The following ASMT variants were observed in gnomAD, a reference collection of about 807,000 sequenced individuals.
ASMT encodes acetylserotonin O-methyltransferase.
ASMT carries 53 observed loss-of-function variants against 41.3 expected under a neutral mutation model. The observed-to-expected ratio is 1.28, with a 90% CI of 1.03 to 1.61. ASMT has a LOEUF of 1.61. Among genes scored for constraint, ASMT ranks in the 40% most tolerant of loss-of-function variants. ASMT has a pLI of 0.00. For synonymous variants in ASMT, 231 were observed against 184.8 expected (o/e 1.25, Z -2.03); for missense variants, 531 against 441.3 (o/e 1.20, Z -1.82).
At chrX:1,630,900 C>T (rs1256502470) in intron 5 of ASMT, among the ~76,000 whole-genome samples, 1 of 72,740 alleles carries the variant, frequency 1.4e-5, no homozygotes, top group Non-Finnish European at 3.0e-5. Flanking sequence ...TATTTATTTA[C>T]TTGTATTTAT....
At chrX:1,621,385 T>G (rs1383771966) in intron 1 of ASMT, among the ~76,000 whole-genome samples, 1 of 151,824 alleles carries the variant, frequency 6.6e-6, no homozygotes, top group African/African-American at 2.4e-5. Context: ...TGGCGCGATC[T>G]TGGCTCACTG....
intron 7 of ASMT, chrX:1,636,101 A>T (rs1318550568): frequency 2.8e-6 from 1 of 357,952 alleles, no homozygotes; most frequent in Non-Finnish European, 5.5e-6. Context: ...GACCACAGGC[A>T]CCCGCCATCA....
At chrX:1,616,899 G>A (rs770172056) in intron 1 of ASMT, among the ~76,000 whole-genome samples, 28 of 151,898 alleles carry the variant, frequency 1.8e-4, no homozygotes, top group East Asian at 5.9e-4. Context: ...TAGTAGAGAC[G>A]GGGTTTCACC....
At chrX:1,630,832 A>C (rs1200735293) in intron 5 of ASMT, among the ~76,000 whole-genome samples, 1 of 151,966 alleles carries the variant, frequency 6.6e-6, no homozygotes, top group East Asian at 1.9e-4. Context: ...TGCTGGGATT[A>C]CAGGCGCCCG....
intron 5 of ASMT, among the ~76,000 whole-genome samples, chrX:1,631,756 A>T (rs1329706622): frequency 6.6e-6 from 1 of 152,036 alleles, no homozygotes; most frequent in African/African-American, 2.4e-5. Flanking sequence ...CTCTACTAAA[A>T]ATACAAAAAA....
chrX:1,636,960 A>C lies in ASMT; in HGVS notation c.910+400A>C, dbSNP rs113750243. ...CCCAGCTCTCCTGTGAGGTCCATCC[A>C]TCCTGATGGCACATGAGGATGTGGG... On this transcript the variant is annotated intron_variant, in intron 8 of 8. Transcript: ENST00000381241. Among the ~76,000 whole-genome samples the C allele has an allele frequency of 2.1e-3, 163 of 77,304 alleles. 1 individual carries two copies. In the East Asian group the frequency reaches 0.024, roughly 11 times the overall value. 50.7% of individuals were successfully genotyped at this position (77,304 alleles called of 152,430 possible).
chrX:1,615,300 A>T (rs1241040555), intron 1 of ASMT, 32 bp downstream of exon 1: 22 of 1,555,352 alleles, frequency 1.4e-5, no homozygotes, highest in Non-Finnish European at 1.8e-5. Context: ...AAGGGGGAAT[A>T]GACTTCCGTT....
Position 1,624,266 on chromosome X carries a change from C to T in ASMT, c.245-3C>T, listed in dbSNP as rs1397545364. 1.9e-6 allele frequency: 3 copies of T among 1,613,950 alleles called. No homozygotes were observed. Among genetic ancestry groups the T allele is most frequent in the Admixed American group, 1.7e-5 (1 of 60,004 alleles). ...TTTCCCTGTTTTTTTGTGTGTGTTT[C>T]AGCTTTCTATCGAAACACAGAGCTG... On this transcript the variant is annotated splice_polypyrimidine_tract_variant and splice_region_variant and intron_variant, in intron 2 of 8. Coordinates refer to ENST00000381241, the MANE Select transcript of ASMT (RefSeq NM_001171038.2).
intron 1 of ASMT, among the ~76,000 whole-genome samples, chrX:1,621,031 G>A (rs1485042066): frequency 6.6e-6 from 1 of 152,104 alleles, no homozygotes; most frequent in African/African-American, 2.4e-5. Flanking sequence ...GGGAGGCGTA[G>A]GTTGCCGTGA....
At position 1,615,245 on chromosome X, in the gene ASMT, G is replaced by T. The variant is rs773588918; in HGVS notation, c.46G>T (p.Ala16Ser). The T allele has an allele frequency of 8.8e-6, 14 of 1,597,176 alleles. No individual in the cohort carries two copies. The highest frequency in any genetic ancestry group is 1.2e-5 in the Non-Finnish European group (14 of 1,171,916). Reference protein sequence around the residue: ...DQAYRLLNDYANGFMVSQVLF... With the variant: ...DQAYRLLNDYSNGFMVSQVLF... ...GGCCTATCGCCTCCTTAATGACTAC[G>T]CCAACGGCTTCATGGTGTCCCAGGT... Residue 16 changes from alanine (A) to serine (S), a missense_variant, in exon 1 of 9, where the codon GCC becomes TCC. Physicochemically the swap from Ala to Ser is moderately conservative, Grantham distance 99 (BLOSUM62 1). Transcript: ENST00000381241.
chrX:1,621,698 A>G (rs191484411), intron 1 of ASMT, among the ~76,000 whole-genome samples: 1 of 149,560 alleles, frequency 6.7e-6, no homozygotes, highest in African/African-American at 2.5e-5. Flanking sequence ...ATATGTATTT[A>G]TTTATTTATC....
chrX:1,642,094 T>C (rs1935202781), intron 8 of ASMT, among the ~76,000 whole-genome samples: 1 of 129,282 alleles, frequency 7.7e-6, no homozygotes, highest in Admixed American at 8.0e-5. Context: ...ACAGCCTCTG[T>C]GTGTGTGTGT....
At chrX:1,635,309 C>A (rs1934921141) in intron 7 of ASMT, among the ~76,000 whole-genome samples, 3 of 152,024 alleles carry the variant, frequency 2.0e-5, no homozygotes, top group Non-Finnish European at 4.4e-5. Context: ...CTGCACAGAG[C>A]TCACCAAGAT....
At chrX:1,641,778 T>C (rs1168584887) in intron 8 of ASMT, among the ~76,000 whole-genome samples, 3 of 148,234 alleles carry the variant, frequency 2.0e-5, no homozygotes, top group African/African-American at 7.5e-5. Context: ...CTGTGTGTGA[T>C]AAGGACAGTG....
intron 7 of ASMT, 66 bp downstream of exon 7, chrX:1,633,356 C>G: frequency 6.2e-7 from 1 of 1,602,302 alleles, no homozygotes; most frequent in South Asian, 1.1e-5. Context: ...CTGGATGTTT[C>G]TGGGAAATGA....
intron 8 of ASMT, among the ~76,000 whole-genome samples, chrX:1,642,008 C>T (rs1408995081): frequency 1.4e-5 from 2 of 147,170 alleles, no homozygotes; most frequent in African/African-American, 5.0e-5. Context: ...GTGGGCACAG[C>T]CTCTGTGTGT....
At chrX:1,629,791 C>A (rs774412444) in intron 4 of ASMT, 30 bp from the exon 5 acceptor site, 2 of 1,605,010 alleles carry the variant, frequency 1.2e-6, no homozygotes, top group African/African-American at 2.7e-5. Flanking sequence ...AGATCCTCAC[C>A]ATCTTGACAA....
chrX:1,641,998 G>A lies in ASMT; in HGVS notation c.911-805G>A, dbSNP rs191305844. Among the ~76,000 whole-genome samples the A allele has an allele frequency of 2.6e-3, 384 of 146,524 alleles. 10 individuals are homozygous for A. Among genetic ancestry groups the A allele is most frequent in the African/African-American group, 8.8e-3 (355 of 40,126 alleles). On this transcript the variant is annotated intron_variant, in intron 8 of 8. Transcript: ENST00000381241. ...CACCCATCCGATGGTTCATGAGGAC[G>A]TGGGCACAGCCTCTGTGTGTAATGG...
At position 1,615,158 on chromosome X, in the gene ASMT, C is replaced by A. The variant is rs369159859; in HGVS notation, c.-42C>A. The A allele has an allele frequency of 6.5e-7, 1 of 1,548,692 alleles. No homozygotes were observed. The highest frequency in any genetic ancestry group is 8.8e-7 in the Non-Finnish European group (1 of 1,140,872). Reference sequence around the variant, plus strand: ...CAGGCTCTGTGCTCCTTGAAGCAAGCGCTCCAGAGGCTCCGGAAGCCACGG... The same window carrying A: ...CAGGCTCTGTGCTCCTTGAAGCAAGAGCTCCAGAGGCTCCGGAAGCCACGG... On this transcript the variant is annotated 5_prime_UTR_variant, in exon 1 of 9. Transcript: ENST00000381241.
Sources: allele counts gnomAD v4.1 joint callset (sites outside exome capture counted in the v4.1 genomes callset), GRCh38; gene constraint gnomAD v4.1.1; transcripts MANE v1.5; gene names NCBI Gene and HGNC (gene_info 2026-07-23, HGNC 2026-07-21).